Variants in MIPEP observed in about 807,000 individuals in gnomAD.
The protein encoded by MIPEP is mitochondrial intermediate peptidase.
In MIPEP, 79 loss-of-function variants were observed where a neutral mutation model predicts 90.3. The ratio of observed to expected loss-of-function variants is 0.87; its 90% CI spans 0.73 to 1.05. MIPEP has a LOEUF of 1.05. Ranked by LOEUF, MIPEP falls within the 50% of genes least tolerant of loss-of-function variation. MIPEP has a pLI of 0.00. For missense variants in MIPEP, 940 were observed against 905.6 expected (o/e 1.04, Z -0.49); for synonymous variants, 334 against 315.8 (o/e 1.06, Z -0.61).
intron 16 of MIPEP, among the ~76,000 whole-genome samples, chr13:23,796,380 G>T (rs1017951124): frequency 9.9e-5 from 15 of 152,040 alleles, no homozygotes; most frequent in African/African-American, 3.4e-4. Context: ...TCGTTCCACT[G>T]CACTACAGCT....
chr13:23,783,983 T>C (rs1952809298), intron 16 of MIPEP, among the ~76,000 whole-genome samples: 1 of 152,264 alleles, frequency 6.6e-6, no homozygotes, highest in Non-Finnish European at 1.5e-5. Flanking sequence ...CATTCCATGC[T>C]CATGGATAGG....
rs560644724 is a variant in MIPEP, at chr13:23,818,033, G to A, written c.1654-8109C>T. 2.4e-4 allele frequency among the ~76,000 whole-genome samples: 37 copies of A among 152,268 alleles called. No homozygotes were observed. In the South Asian group the frequency reaches 7.5e-3, roughly 31 times the overall value. On this transcript the variant is annotated intron_variant, in intron 14 of 18. Coordinates refer to ENST00000382172, the MANE Select transcript of MIPEP (RefSeq NM_005932.4). ...ATTAAAACATGTTTCCTGTAACTCCGTGTCATTGTCACAGTTGGGCCATAC... is the reference window on the plus strand; with the variant it reads ...ATTAAAACATGTTTCCTGTAACTCCATGTCATTGTCACAGTTGGGCCATAC...
At chr13:23,888,567 TG>T in intron 1 of MIPEP, 1 of 326,460 alleles carries the variant, frequency 3.1e-6, no homozygotes, top group Non-Finnish European at 4.4e-6. Context: ...CATGGCACTA[TG>T]GGAAGTGAGA....
chr13:23,744,591 G>A (rs1400747800), intron 18 of MIPEP, among the ~76,000 whole-genome samples: 1 of 152,160 alleles, frequency 6.6e-6, no homozygotes, highest in Admixed American at 6.5e-5. Flanking sequence ...AGATCATACA[G>A]CAACATGCAT....
At chr13:23,797,766 C>A (rs1043346595) in intron 16 of MIPEP, among the ~76,000 whole-genome samples, 1 of 152,204 alleles carries the variant, frequency 6.6e-6, no homozygotes, top group South Asian at 2.1e-4. Flanking sequence ...GAGCCTCCCT[C>A]TGGAAATTAA....
intron 7 of MIPEP, among the ~76,000 whole-genome samples, chr13:23,864,924 A>C (rs1331285502): frequency 6.6e-6 from 1 of 152,166 alleles, no homozygotes; most frequent in Non-Finnish European, 1.5e-5. Flanking sequence ...TAATTCCCTG[A>C]AATAAATTTT....
At chr13:23,777,328 G>T (rs1048895245) in intron 16 of MIPEP, among the ~76,000 whole-genome samples, 6 of 152,112 alleles carry the variant, frequency 3.9e-5, no homozygotes, top group African/African-American at 1.4e-4. Context: ...CTTAAAATCT[G>T]GTTATCATCT....
chr13:23,817,705 G>C (rs573998679), intron 14 of MIPEP, among the ~76,000 whole-genome samples: 1 of 152,124 alleles, frequency 6.6e-6, no homozygotes. Flanking sequence ...CGTCGGGCTT[G>C]TTGATTCAAT....
intron 14 of MIPEP, among the ~76,000 whole-genome samples, chr13:23,823,209 T>C (rs145326238): frequency 2.5e-3 from 382 of 152,252 alleles, no homozygotes; most frequent in African/African-American, 8.8e-3. Context: ...GACGAAGGCT[T>C]GGGTGTGAGT....
rs990524526 is a variant in MIPEP at position 23,836,409 on chromosome 13, TG to T, written c.1544-61del. The T allele has an allele frequency of 8.6e-5, 83 of 967,754 alleles. No individual in the cohort carries two copies. In the African/African-American group the frequency reaches 1.4e-3, roughly 16 times the overall value. The allele number at this position is 967,754 out of a possible 1,614,324, so 59.9% of individuals were successfully genotyped here. Reference sequence around the variant, plus strand: ...CAAATCAATATATTTATCTACTTTTTGTGTGCCCTTTAAAACTTTTATTTGT... The same window carrying T: ...CAAATCAATATATTTATCTACTTTTTTGTGCCCTTTAAAACTTTTATTTGT... On this transcript the variant is annotated intron_variant, in intron 13 of 18. Transcript: ENST00000382172.
chr13:23,843,037 A>G (rs1869369549), intron 10 of MIPEP, among the ~76,000 whole-genome samples: 1 of 136,904 alleles, frequency 7.3e-6, no homozygotes, highest in Non-Finnish European at 1.5e-5. Flanking sequence ...GCGGAGGTTG[A>G]GTGAGCCACG....
Position 23,849,291 on chromosome 13 carries a change from G to A in MIPEP, c.1107-7803C>T, listed in dbSNP as rs538873245. Among the ~76,000 whole-genome samples the A allele has an allele frequency of 3.3e-4, 50 of 152,348 alleles. No homozygotes were observed. In the South Asian group the frequency reaches 8.1e-3, roughly 25 times the overall value. On this transcript the variant is annotated intron_variant, in intron 10 of 18. Coordinates refer to ENST00000382172, the MANE Select transcript of MIPEP (RefSeq NM_005932.4). Reference sequence around the variant, plus strand: ...CATGGGCAGCATATAGGACCTCACAGCACAGCAGAGCCACAACCAGCAGAG... The same window carrying A: ...CATGGGCAGCATATAGGACCTCACAACACAGCAGAGCCACAACCAGCAGAG...
At chr13:23,743,126 A>C (rs1757358236) in intron 18 of MIPEP, among the ~76,000 whole-genome samples, 2 of 152,236 alleles carry the variant, frequency 1.3e-5, no homozygotes, top group Admixed American at 1.3e-4. Flanking sequence ...TTTGGGAGTG[A>C]AAAGGAGGTT....
chr13:23,765,915 A>T (rs1253170363), intron 16 of MIPEP: 1 of 152,226 alleles, frequency 6.6e-6, no homozygotes, highest in African/African-American at 2.4e-5. Flanking sequence ...TAGGGTAAGA[A>T]TGGTAGTGAA....
intron 14 of MIPEP, among the ~76,000 whole-genome samples, chr13:23,832,074 C>CT (rs772816171): frequency 2.0e-5 from 3 of 152,162 alleles, no homozygotes; most frequent in Non-Finnish European, 4.4e-5. Flanking sequence ...TTAAATACCC[C>CT]TTCTCCAGGC....
At chr13:23,878,903 C>T in intron 4 of MIPEP, among the ~76,000 whole-genome samples, 1 of 152,206 alleles carries the variant, frequency 6.6e-6, no homozygotes, top group Non-Finnish European at 1.5e-5. Flanking sequence ...GCACTGACCA[C>T]ATGCCATGAA....
At chr13:23,884,618 T>C (rs1322520238) in intron 2 of MIPEP, among the ~76,000 whole-genome samples, 3 of 152,332 alleles carry the variant, frequency 2.0e-5, no homozygotes, top group South Asian at 2.1e-4. Flanking sequence ...AATGGAGATA[T>C]GCTGAGAAGG....
At chr13:23,877,035 T>C (rs1221726047) in intron 4 of MIPEP, among the ~76,000 whole-genome samples, 2 of 152,218 alleles carry the variant, frequency 1.3e-5, no homozygotes, top group Non-Finnish European at 2.9e-5. Flanking sequence ...ATTGATCTAA[T>C]TGACTATTCT....
chr13:23,860,109 G>C (rs1290133301), intron 9 of MIPEP, among the ~76,000 whole-genome samples: 1 of 152,248 alleles, frequency 6.6e-6, no homozygotes, highest in Admixed American at 6.5e-5. Context: ...AGCCTAGGCA[G>C]TAGAAGGGCA....
Sources: allele counts gnomAD v4.1 joint callset (sites outside exome capture counted in the v4.1 genomes callset), GRCh38; gene constraint gnomAD v4.1.1; transcripts MANE v1.5; gene names NCBI Gene and HGNC (gene_info 2026-07-23, HGNC 2026-07-21).